The following CCDC187 variants were observed in gnomAD, a reference collection of about 807,000 sequenced individuals.
CCDC187 encodes coiled-coil domain containing 187, also known as coiled-coil domain-containing protein 187.
Under a neutral mutation model 38.0 loss-of-function variants are expected in CCDC187, and 32 were observed. That is an observed-to-expected ratio of 0.84 (90% CI 0.64 to 1.13). The LOEUF is 1.13. Ranked by LOEUF, CCDC187 falls within the 50% of genes most tolerant of loss-of-function variation. The pLI is 0.00. For missense variants in CCDC187, 707 were observed against 786.8 expected, an observed-to-expected ratio of 0.90 and a Z score of 1.21; for synonymous variants, 333 against 347.9, an observed-to-expected ratio of 0.96 and a Z score of 0.48.
rs1588667491 is a variant in CCDC187, at chr9:136,289,458, G to A, written c.2222+501C>T. Reference sequence around the variant, plus strand: ...CACTTGAACCTGGGAGGTGGAGGTTGCGGTGAGCCAAGATCGTGCCATTGC... The same window carrying A: ...CACTTGAACCTGGGAGGTGGAGGTTACGGTGAGCCAAGATCGTGCCATTGC... On this transcript the variant is annotated intron_variant, in intron 7 of 25. Coordinates refer to ENST00000638797, the MANE Select transcript of CCDC187 (RefSeq NM_001378188.1). 6.9e-5 allele frequency among the ~76,000 whole-genome samples: 10 copies of A among 143,978 alleles called. 2 individuals are homozygous for A. Among genetic ancestry groups the A allele is most frequent in the Admixed American group, 4.4e-4 (6 of 13,498 alleles). The allele number at this position is 143,978 out of a possible 152,430, so 94.5% of individuals were successfully genotyped here. A position where few individuals can be genotyped will look rare whatever the true frequency, so the allele number is the denominator to read the frequency against.
chr9:136,285,464 C>CGGGCAGGTGGGCAGGT (rs1158075604), intron 9 of CCDC187, 49 bp downstream of exon 9: 28 of 53,942 alleles, frequency 5.2e-4, no homozygotes, highest in East Asian at 1.6e-3. Context: ...GGTGGGCAGG[C>CGGGCAGGTGGGCAGGT]GGGCAGGTGG....
At chr9:136,295,717 G>A (rs1831517985) in intron 4 of CCDC187, 1 of 152,180 alleles carries the variant, frequency 6.6e-6, no homozygotes, top group Admixed American at 6.5e-5. Flanking sequence ...AGAAACTAAT[G>A]GTCAACACTG....
intron 14 of CCDC187, among the ~76,000 whole-genome samples, chr9:136,270,620 C>G (rs1453626639): frequency 6.6e-6 from 1 of 152,186 alleles, no homozygotes; most frequent in Non-Finnish European, 1.5e-5. Flanking sequence ...GGGTTTAGGC[C>G]TCCGGATGAC....
rs71483267 is a variant in CCDC187 at position 136,252,342 on chromosome 9, G to A, written c.*1252C>T. On this transcript the variant is annotated 3_prime_UTR_variant, in exon 26 of 26. Transcript: ENST00000638797. ...CAGTCCACCCTGGGAAGGTCCAGGCGACCATCCCGCACAGCCGGCCGCCCA... is the reference window on the plus strand; with the variant it reads ...CAGTCCACCCTGGGAAGGTCCAGGCAACCATCCCGCACAGCCGGCCGCCCA... 242 of 87,936 alleles carry A rather than the reference G, an allele frequency of 2.8e-3. No homozygotes were observed. Among genetic ancestry groups the A allele is most frequent in the Middle Eastern group, 0.012 (1 of 84 alleles). The allele number at this position is 87,936 out of a possible 1,614,324, so 5.4% of individuals were successfully genotyped here. A position where few individuals can be genotyped will look rare whatever the true frequency, so the allele number is the denominator to read the frequency against.
chr9:136,285,742 A>G, intron 8 of CCDC187, 136 bp from the exon 9 acceptor site: 1 of 397,208 alleles, frequency 2.5e-6, no homozygotes, highest in Non-Finnish European at 4.4e-6. Flanking sequence ...CCTGGCCCTC[A>G]GGCCTCTCTG....
At chr9:136,282,053 C>A (rs1831058019) in intron 9 of CCDC187, among the ~76,000 whole-genome samples, 1 of 152,194 alleles carries the variant, frequency 6.6e-6, no homozygotes, top group African/African-American at 2.4e-5. Context: ...CTTCCGTGGC[C>A]ACCGTTGGTC....
Position 136,250,785 on chromosome 9 carries a change from G to A in CCDC187, c.*2809C>T, listed in dbSNP as rs782081849. 2.2e-5 allele frequency: 10 copies of A among 456,182 alleles called. No individual in the cohort carries two copies. Among genetic ancestry groups the A allele is most frequent in the South Asian group, 1.1e-4 (7 of 64,574 alleles). 28.3% of individuals were successfully genotyped at this position (456,182 alleles called of 1,614,324 possible). A position where few individuals can be genotyped will look rare whatever the true frequency, so the allele number is the denominator to read the frequency against. Reference sequence around the variant, plus strand: ...GTGAATGGGGACCCTGACACAGGCCGGCCATTGTTAACGGCACCTGGGGCT... The same window carrying A: ...GTGAATGGGGACCCTGACACAGGCCAGCCATTGTTAACGGCACCTGGGGCT... On this transcript the variant is annotated 3_prime_UTR_variant, in exon 26 of 26. Coordinates refer to ENST00000638797, the MANE Select transcript of CCDC187 (RefSeq NM_001378188.1).
At chr9:136,260,068 A>G in intron 20 of CCDC187, 51 bp downstream of exon 20, 1 of 984,716 alleles carries the variant, frequency 1.0e-6, no homozygotes, top group Non-Finnish European at 1.2e-6. Context: ...CCCAGGGCCC[A>G]CTGAATGAGC....
At chr9:136,278,889 T>C (rs1830983533) in intron 10 of CCDC187, among the ~76,000 whole-genome samples, 1 of 152,256 alleles carries the variant, frequency 6.6e-6, no homozygotes. Flanking sequence ...GTGGCTACCA[T>C]ATTGTACAAC....
At chr9:136,265,194 C>G (rs544159822) in intron 17 of CCDC187, among the ~76,000 whole-genome samples, 2 of 152,232 alleles carry the variant, frequency 1.3e-5, no homozygotes, top group African/African-American at 4.8e-5. Context: ...CAAGGGTCCT[C>G]GTCCTGGCTC....
In CCDC187 at chr9:136,251,073, A is replaced by G. The variant is rs530743175; in HGVS notation, c.*2521T>C. ...AAGTCTGGAGTATGCTCCTCTCTGA[A>G]GTGGAGGAGGCCTGAGGCCCTGGAC... is the stretch of plus-strand genomic sequence containing the variant. On this transcript the variant is annotated 3_prime_UTR_variant, in exon 26 of 26. Coordinates refer to ENST00000638797, the MANE Select transcript of CCDC187 (RefSeq NM_001378188.1). The G allele has an allele frequency of 1.4e-4, 62 of 455,038 alleles. No homozygotes were observed. Among genetic ancestry groups the G allele is most frequent in the Admixed American group, 8.2e-4 (35 of 42,566 alleles). The allele number at this position is 455,038 out of a possible 1,614,324, so 28.2% of individuals were successfully genotyped here.
intron 6 of CCDC187, 45 bp downstream of exon 6, chr9:136,290,441 G>A: frequency 2.5e-6 from 1 of 398,648 alleles, no homozygotes; most frequent in South Asian, 1.3e-4. Context: ...TAAGCCTCTG[G>A]CCCATGGCTG....
intron 4 of CCDC187, among the ~76,000 whole-genome samples, chr9:136,292,847 C>T (rs1831368904): frequency 6.6e-6 from 1 of 152,234 alleles, no homozygotes; most frequent in African/African-American, 2.4e-5. Flanking sequence ...GGTGAAGGCT[C>T]CCCGGCTGGC....
chr9:136,290,454 C>T (rs1831293665), intron 6 of CCDC187, 32 bp downstream of exon 6: 4 of 398,260 alleles, frequency 1.0e-5, no homozygotes, highest in Middle Eastern at 1.3e-3. Context: ...CATGGCTGAG[C>T]CGAGTCCCCC....
At chr9:136,293,915 CAT>C (rs1384802873) in intron 4 of CCDC187, among the ~76,000 whole-genome samples, 4 of 150,794 alleles carry the variant, frequency 2.7e-5, no homozygotes, top group African/African-American at 7.3e-5. Context: ...CTCATACACT[CAT>C]ATACACACTC....
chr9:136,267,912 G>A lies in CCDC187; in HGVS notation c.3519+137C>T, dbSNP rs1830776437. ...TGTCAGCTGGAAGAGCGGGTGACGC[G>A]ATCGCCGGAAGAACCTCCCAACCCA... On this transcript the variant is annotated intron_variant, in intron 15 of 25. Coordinates refer to ENST00000638797, the MANE Select transcript of CCDC187 (RefSeq NM_001378188.1). The A allele has an allele frequency of 4.1e-6, 4 of 985,430 alleles. No individual in the cohort carries two copies. The South Asian group carries it at 1.4e-4, about 35-fold the overall frequency. 61.0% of individuals were successfully genotyped at this position (985,430 alleles called of 1,614,324 possible). A position where few individuals can be genotyped will look rare whatever the true frequency, so the allele number is the denominator to read the frequency against.
upstream of CCDC187, among the ~76,000 whole-genome samples, chr9:136,306,245 C>T (rs1340977156): frequency 1.3e-5 from 2 of 152,198 alleles, no homozygotes; most frequent in Non-Finnish European, 2.9e-5. Flanking sequence ...CACCCTACTC[C>T]GGGCCTAGCT....
Position 136,293,285 on chromosome 9 carries a change from TCA to T in CCDC187, c.833-992_833-991del, listed in dbSNP as rs1252696498. On this transcript the variant is annotated intron_variant, in intron 4 of 25. Coordinates refer to ENST00000638797, the MANE Select transcript of CCDC187 (RefSeq NM_001378188.1). ...CACTCATGCTTTCACACTAACATGC[TCA>T]CACACTCACAAACACATGTTCACAC... 3.7e-3 allele frequency among the ~76,000 whole-genome samples: 513 copies of T among 137,252 alleles called. 8 individuals carry two copies. The highest frequency in any genetic ancestry group is 0.013 in the African/African-American group (463 of 35,206). 90.0% of individuals were successfully genotyped at this position (137,252 alleles called of 152,430 possible).
At position 136,258,841 on chromosome 9, in the gene CCDC187, T is replaced by A; in HGVS notation, c.4366+91A>T. 3 of 985,488 alleles carry A rather than the reference T, an allele frequency of 3.0e-6. No individual in the cohort carries two copies. Among genetic ancestry groups the A allele is most frequent in the Non-Finnish European group, 3.6e-6 (3 of 829,996 alleles). 61.0% of individuals were successfully genotyped at this position (985,488 alleles called of 1,614,324 possible). On this transcript the variant is annotated intron_variant, in intron 22 of 25. Coordinates refer to ENST00000638797, the MANE Select transcript of CCDC187 (RefSeq NM_001378188.1). The surrounding 1 kb of genome is among the most constrained non-coding windows in gnomAD (Gnocchi z 4.3). ...TTCTTTGCTTTCCGTCCTTGTCCAG[T>A]GGCTGAGCTCCAGCCTCGGACAGGC...
Sources: allele counts gnomAD v4.1 joint callset (sites outside exome capture counted in the v4.1 genomes callset), GRCh38; gene constraint gnomAD v4.1.1; non-coding constraint Gnocchi (gnomAD v3.1); transcripts MANE v1.5; gene names NCBI Gene and HGNC (gene_info 2026-07-23, HGNC 2026-07-21).